The following GIT2 variants were observed in gnomAD, a reference collection of about 807,000 sequenced individuals.
The protein encoded by GIT2 is ARF GTPase-activating protein GIT2.
A neutral mutation model predicts 100.3 loss-of-function variants in GIT2; 32 were observed. The observed-to-expected ratio is 0.32, with a 90% confidence interval of 0.24 to 0.43. GIT2 has a LOEUF of 0.43. Ranked by LOEUF, GIT2 falls within the 20% of genes least tolerant of loss-of-function variation. The probability of loss-of-function intolerance (pLI) is 1.00; values close to 1 mark genes in which losing one functional copy is unlikely to be tolerated. For synonymous variants in GIT2, 353 were observed against 364.1 expected, an observed-to-expected ratio of 0.97 and a Z score of 0.35; for missense variants, 737 against 975.1, an observed-to-expected ratio of 0.76 and a Z score of 3.25.
chr12:109,991,943 A>G, intron 1 of GIT2, 183 bp from the exon 2 acceptor site: 2 of 545,124 alleles, frequency 3.7e-6, no homozygotes, highest in Admixed American at 3.3e-5. Flanking sequence ...GATTAGGTAC[A>G]ATGTTAATTG....
chr12:109,958,556 T>C (rs1015711215), intron 12 of GIT2, among the ~76,000 whole-genome samples: 11 of 152,264 alleles, frequency 7.2e-5, no homozygotes, highest in African/African-American at 2.4e-4. Flanking sequence ...TTTAAGACTT[T>C]AAACTTATCC....
intron 4 of GIT2, 39 bp from the exon 5 acceptor site, chr12:109,983,733 G>A (rs1233737320): frequency 1.2e-5 from 17 of 1,383,632 alleles, no homozygotes; most frequent in Non-Finnish European, 1.6e-5. Flanking sequence ...CGTGGTTAGA[G>A]GTGTAAAGAA....
chr12:109,984,341 A>C (rs368337395), intron 4 of GIT2, among the ~76,000 whole-genome samples: 5 of 152,060 alleles, frequency 3.3e-5, no homozygotes, highest in East Asian at 3.9e-4. Flanking sequence ...GAGCCTGGGC[A>C]GTGGAGGCTG....
In GIT2 at chr12:109,948,395, G is replaced by C; in HGVS notation, c.1393-891C>G. On this transcript the variant is annotated intron_variant, in intron 14 of 19. Transcript: ENST00000355312. The surrounding 1 kb of genome is among the most constrained non-coding windows in gnomAD (Gnocchi z 4.3). The stretch of plus-strand genomic sequence containing the variant: ...ATCTGCCTGGCACCACCCCATTTTA[G>C]AGACTGTCACTTGGAGGCCCTGAAT... 4 of 997,596 alleles carry C rather than the reference G, an allele frequency of 4.0e-6. No homozygotes were observed. Among genetic ancestry groups the C allele is most frequent in the Non-Finnish European group, 4.8e-6 (4 of 838,112 alleles). The allele number at this position is 997,596 out of a possible 1,614,324, so 61.8% of individuals were successfully genotyped here.
chr12:109,961,621 G>A lies in GIT2; in HGVS notation c.881C>T (p.Thr294Met), dbSNP rs766903672. ...DVYDEVDRRE[T>M]DAVWLATQNH... ...AAGCCACGTCAAGTCACCTGCATCC[G>A]TCTCTCGCCTGTCAACTTCATCGTA... is the stretch of plus-strand genomic sequence containing the variant. The change falls in exon 10 of 20, where the codon ACG becomes ATG. Residue 294 changes from threonine (T) to methionine (M), a missense_variant. By Grantham distance (81) the Thr-to-Met change is moderately conservative. This residue lies in a region of GIT2 where 266 missense variants were observed against 376.2 expected (regional missense o/e 0.71). Coordinates refer to ENST00000355312, the MANE Select transcript of GIT2 (RefSeq NM_057169.5). 6 of 1,597,028 alleles carry A rather than the reference G, an allele frequency of 3.8e-6. No individual in the cohort carries two copies. Among genetic ancestry groups the A allele is most frequent in the African/African-American group, 2.7e-5 (2 of 74,552 alleles).
rs376951542 is a variant in GIT2, at chr12:109,962,607, G to T, written c.817-922C>A. ...TTGAGGTCTTCCTGGCCCAGATGAG[G>T]TTAAGCCTCTTCTGGGGTGGCTCCG... On this transcript the variant is annotated intron_variant, in intron 9 of 19. Transcript: ENST00000355312. The surrounding 1 kb of genome is among the most constrained non-coding windows in gnomAD (Gnocchi z 4.3). Among the ~76,000 whole-genome samples, 20 of 152,254 alleles carry T rather than the reference G, an allele frequency of 1.3e-4. No individual in the cohort carries two copies. In the East Asian group the frequency reaches 2.9e-3, roughly 22 times the overall value.
At chr12:109,938,839 C>A in intron 17 of GIT2, 1 of 498,632 alleles carries the variant, frequency 2.0e-6, no homozygotes, top group African/African-American at 1.9e-5. Context: ...GTTTATAAAG[C>A]CATCCTCAGG....
intron 12 of GIT2, among the ~76,000 whole-genome samples, chr12:109,958,536 C>T (rs891383501): frequency 2.0e-5 from 3 of 152,186 alleles, no homozygotes; most frequent in Non-Finnish European, 4.4e-5. Flanking sequence ...AGGCACCACG[C>T]CCAGGCCATT....
intron 2 of GIT2, among the ~76,000 whole-genome samples, chr12:109,990,116 T>G (rs1490907078): frequency 6.6e-6 from 1 of 152,248 alleles, no homozygotes; most frequent in East Asian, 1.9e-4. Flanking sequence ...TTCAACATTC[T>G]TAATGACCCA....
In GIT2 at chr12:109,931,136, G is replaced by A. The variant is rs1456793149; in HGVS notation, c.*1842C>T. 1 of 152,228 alleles carries A rather than the reference G, an allele frequency of 6.6e-6. No homozygotes were observed. The highest frequency in any genetic ancestry group is 1.5e-5 in the Non-Finnish European group (1 of 68,054). 9.4% of individuals were successfully genotyped at this position (152,228 alleles called of 1,614,324 possible). ...TGACAGCATATGGTCAAGCTATAAAGGTGTGCATCGATCAGTCCTGTGAAA... is the reference window on the plus strand; with the variant it reads ...TGACAGCATATGGTCAAGCTATAAAAGTGTGCATCGATCAGTCCTGTGAAA... On this transcript the variant is annotated 3_prime_UTR_variant, in exon 20 of 20. Transcript: ENST00000355312.
At chr12:109,951,399 C>T (rs1877810442) in intron 13 of GIT2, 83 bp from the exon 14 acceptor site, 7 of 1,183,266 alleles carry the variant, frequency 5.9e-6, no homozygotes, top group African/African-American at 4.6e-5. Flanking sequence ...CAAATTCTGA[C>T]CAAGCCAGCT....
intron 8 of GIT2, among the ~76,000 whole-genome samples, chr12:109,966,174 T>G (rs1171290953): frequency 6.6e-6 from 1 of 151,536 alleles, no homozygotes; most frequent in Non-Finnish European, 1.5e-5. Context: ...TTTTGTATTT[T>G]TAGTAGAGAC....
intron 9 of GIT2, among the ~76,000 whole-genome samples, chr12:109,965,055 G>A (rs1163541079): frequency 2.6e-5 from 4 of 152,164 alleles, no homozygotes; most frequent in African/African-American, 9.7e-5. Context: ...AATTTAAAAA[G>A]CACTGATGAA....
At chr12:109,972,803 C>T (rs899137752) in intron 7 of GIT2, among the ~76,000 whole-genome samples, 2 of 152,018 alleles carry the variant, frequency 1.3e-5, no homozygotes, top group African/African-American at 4.8e-5. Flanking sequence ...ATCTGGAAAT[C>T]CCACTTGGTT....
intron 12 of GIT2, 56 bp downstream of exon 12, chr12:109,959,791 C>T: frequency 2.0e-6 from 2 of 989,898 alleles, no homozygotes; most frequent in Non-Finnish European, 3.2e-6. Context: ...ACTTTAACAC[C>T]TGAGTCAAAT....
chr12:109,997,504 T>C (rs1314689635), upstream of GIT2: 1 of 152,234 alleles, frequency 6.6e-6, no homozygotes, highest in African/African-American at 2.4e-5. Context: ...CCACGATTTG[T>C]TTTTGTATGG....
At chr12:109,983,820 A>G in intron 4 of GIT2, 126 bp from the exon 5 acceptor site, 1 of 642,348 alleles carries the variant, frequency 1.6e-6, no homozygotes, top group Non-Finnish European at 2.8e-6. Flanking sequence ...TGTCTCGGTA[A>G]AGTGCATGGA....
intron 1 of GIT2, among the ~76,000 whole-genome samples, chr12:109,994,689 A>T (rs751386460): frequency 2.4e-4 from 37 of 152,352 alleles, no homozygotes; most frequent in Non-Finnish European, 4.4e-4. Flanking sequence ...CAATGGAGGA[A>T]CAATTTTGCT....
At position 109,934,295 on chromosome 12, in the gene GIT2, A is replaced by C. The variant is rs901141645; in HGVS notation, c.2004-210T>G. 1 of 576,826 alleles carries C rather than the reference A, an allele frequency of 1.7e-6. No individual in the cohort carries two copies. Among genetic ancestry groups the C allele is most frequent in the African/African-American group, 1.9e-5 (1 of 53,498 alleles). 35.7% of individuals were successfully genotyped at this position (576,826 alleles called of 1,614,324 possible). ...AAGTTCAATCTGATGAAAAGTCTCCAGGTATGAAATATGGCAACATACACT... is the reference window on the plus strand; with the variant it reads ...AAGTTCAATCTGATGAAAAGTCTCCCGGTATGAAATATGGCAACATACACT... On this transcript the variant is annotated intron_variant, in intron 18 of 19. Transcript: ENST00000355312. This position sits in a 1 kb window ranked among gnomAD's most constrained non-coding sequence, Gnocchi z 4.5.
Sources: gnomAD v4.1 joint callset for allele counts (sites outside exome capture counted in the v4.1 genomes callset) on GRCh38, gnomAD v4.1.1 for gene constraint, gnomAD v4.1.1 regional missense constraint, Gnocchi (gnomAD v3.1) non-coding constraint, MANE v1.5 for transcripts, NCBI Gene and HGNC (gene_info 2026-07-23, HGNC 2026-07-21) for gene names.